Variants in RPIA observed in about 807,000 individuals in gnomAD.
The protein encoded by RPIA is ribose-5-phosphate isomerase.
In RPIA, 29 loss-of-function variants were observed where a neutral mutation model predicts 37.8. The ratio of observed to expected loss-of-function variants is 0.77; its 90% CI spans 0.57 to 1.05. RPIA has a LOEUF of 1.05. Among genes scored for constraint, RPIA ranks in the 50% least tolerant of loss-of-function variants. The pLI is 0.00. For missense variants in RPIA, 385 were observed against 413.6 expected (o/e 0.93, Z 0.60); for synonymous variants, 167 against 157.0 (o/e 1.06, Z -0.48).
Position 88,700,129 on chromosome 2 carries a change from T to C in RPIA, c.402+65T>C, listed in dbSNP as rs776823061. 1.3e-4 allele frequency: 200 copies of C among 1,488,010 alleles called. 1 individual carries two copies. Among genetic ancestry groups the C allele is most frequent in the Non-Finnish European group, 1.2e-4 (126 of 1,065,096 alleles). 92.2% of individuals were successfully genotyped at this position (1,488,010 alleles called of 1,614,324 possible). Reference sequence around the variant, plus strand: ...TGTATCTTCTGGTTCCCCGGGGTTGTGGACCTATGGCCTTGTCTTGTACCT... The same window carrying C: ...TGTATCTTCTGGTTCCCCGGGGTTGCGGACCTATGGCCTTGTCTTGTACCT... On this transcript the variant is annotated intron_variant, in intron 3 of 8. Coordinates refer to ENST00000283646, the MANE Select transcript of RPIA (RefSeq NM_144563.3).
At chr2:88,713,120 A>ATATATATATATATATATATAT (rs1041923467) in intron 3 of RPIA, among the ~76,000 whole-genome samples, 2 of 65,294 alleles carry the variant, frequency 3.1e-5, no homozygotes, top group African/African-American at 7.9e-5. Context: ...ATATATATAT[A>ATATATATATATATATATATAT]TTTTTTTTTT....
chr2:88,721,723 A>G (rs1673134169), intron 3 of RPIA, among the ~76,000 whole-genome samples: 1 of 149,246 alleles, frequency 6.7e-6, no homozygotes, highest in Non-Finnish European at 1.5e-5. Context: ...GGATGAGTTC[A>G]TATATATTAT....
Position 88,699,990 on chromosome 2 carries a change from A to G in RPIA, c.347-19A>G, listed in dbSNP as rs1181665664. 6.2e-7 allele frequency: 1 copy of G among 1,613,956 alleles called. No individual in the cohort carries two copies. The highest frequency in any genetic ancestry group is 8.5e-7 in the Non-Finnish European group (1 of 1,179,794). On this transcript the variant is annotated intron_variant, in intron 2 of 8. Transcript: ENST00000283646. ...GTAAGGAGAGTGAAAAACTGCCAAT[A>G]TGGCTTTTGTTTCCACAGCTGAAAG...
chr2:88,692,479 G>T (rs944008372), intron 1 of RPIA, among the ~76,000 whole-genome samples: 2 of 152,184 alleles, frequency 1.3e-5, no homozygotes, highest in East Asian at 3.9e-4. Flanking sequence ...GGAGGGAAGG[G>T]AAGACCCGGG....
chr2:88,706,548 TGTCTGGGGG>T (rs1415992160), intron 3 of RPIA, among the ~76,000 whole-genome samples: 2 of 132,486 alleles, frequency 1.5e-5, no homozygotes, highest in Non-Finnish European at 3.2e-5. Flanking sequence ...TACTGGGGCC[TGTCTGGGGG>T]GTGTGGGGGG....
At chr2:88,724,150 G>A (rs1050003252) in intron 3 of RPIA, among the ~76,000 whole-genome samples, 3 of 152,146 alleles carry the variant, frequency 2.0e-5, no homozygotes, top group Non-Finnish European at 4.4e-5. Flanking sequence ...TGGGGAAAAG[G>A]GAAAAGGAAA....
intron 3 of RPIA, among the ~76,000 whole-genome samples, chr2:88,708,441 C>A (rs1672921632): frequency 7.1e-6 from 1 of 140,396 alleles, no homozygotes; most frequent in Non-Finnish European, 1.6e-5. Flanking sequence ...GATGTTGTTT[C>A]CAAAAAAAAG....
intron 4 of RPIA, among the ~76,000 whole-genome samples, chr2:88,733,519 C>T (rs1673277573): frequency 6.6e-6 from 1 of 151,984 alleles, no homozygotes. Context: ...GGCCTGGAGC[C>T]CAGACAGAAA....
chr2:88,735,210 A>G lies in RPIA; in HGVS notation c.528-459A>G, dbSNP rs149312186. Among the ~76,000 whole-genome samples the G allele has an allele frequency of 2.7e-3, 406 of 152,320 alleles. 2 individuals carry two copies. Among genetic ancestry groups the G allele is most frequent in the African/African-American group, 9.2e-3 (383 of 41,564 alleles). ...TAATCCTGTCAACTGCAGATGTGAG[A>G]TAGTTTAGCTGCTAAACCCTAGAGG... is the stretch of plus-strand genomic sequence containing the variant. On this transcript the variant is annotated intron_variant, in intron 5 of 8. Transcript: ENST00000283646.
At chr2:88,734,679 A>G in intron 5 of RPIA, 63 bp downstream of exon 5, 2 of 1,526,982 alleles carry the variant, frequency 1.3e-6, no homozygotes, top group South Asian at 1.1e-5. Context: ...GCAAAGCAAG[A>G]TGGATACAGA....
In RPIA at chr2:88,734,591, G is replaced by A. The variant is rs371856447; in HGVS notation, c.502G>A (p.Asp168Asn). The change falls in exon 5 of 9, where the codon GAT (aspartate) becomes AAT (asparagine). Residue 168 changes from aspartate to asparagine, a missense_variant. This residue lies in a region of RPIA where 153 missense variants were observed against 210.6 expected (regional missense o/e 0.73). Transcript: ENST00000283646. The stretch of plus-strand genomic sequence containing the variant: ...CGATGGTGCTGATGAAGTAGATGCT[G>A]ATCTCAATCTCATCAAGGGTGGCGG... ...AIDGADEVDA[D>N]LNLIKGGGGC... 17 of 1,614,076 alleles carry A rather than the reference G, an allele frequency of 1.1e-5. No individual in the cohort carries two copies. The highest frequency in any genetic ancestry group is 1.7e-5 in the Admixed American group (1 of 60,008).
chr2:88,691,947 G>A lies in RPIA; in HGVS notation c.249G>A (p.Lys83=), dbSNP rs1178519785. ...STMSKAEEAK[K]LAGRAAVENH... is the part of the protein sequence containing the mutation. ...TGTCCAAGGCCGAGGAGGCCAAGAA[G>A]CTGGCGGGCCGCGCGGCTGTGGAGA... is the stretch of plus-strand genomic sequence containing the variant. Residue 83 remains lysine, a synonymous_variant, in exon 1 of 9, where the codon AAG becomes AAA. Transcript: ENST00000283646. The A allele has an allele frequency of 6.3e-7, 1 of 1,597,164 alleles. No homozygotes were observed. Among genetic ancestry groups the A allele is most frequent in the East Asian group, 2.3e-5 (1 of 44,174 alleles).
intron 3 of RPIA, among the ~76,000 whole-genome samples, chr2:88,721,317 A>T (rs1673119052): frequency 6.6e-6 from 1 of 152,054 alleles, no homozygotes; most frequent in Non-Finnish European, 1.5e-5. Flanking sequence ...ATACCTATGT[A>T]GCAAAACTGC....
In RPIA at chr2:88,713,896, CTTG is replaced by C. The variant is rs1672999370; in HGVS notation, c.402+13835_402+13837del. On this transcript the variant is annotated intron_variant, in intron 3 of 8. Transcript: ENST00000283646. ...AAATTTTTCGTAGTAGGATCTTGTT[CTTG>C]TTTTATGGTTAATTTTTTTTTTTTT... 2.8e-5 allele frequency among the ~76,000 whole-genome samples: 4 copies of C among 144,926 alleles called. No individual in the cohort carries two copies. The South Asian group carries it at 8.8e-4, about 32-fold the overall frequency.
intron 8 of RPIA, among the ~76,000 whole-genome samples, chr2:88,742,590 G>A (rs889217912): frequency 1.3e-5 from 2 of 152,028 alleles, no homozygotes; most frequent in Admixed American, 6.6e-5. Context: ...AAGAATGATG[G>A]CGGTATTTCG....
rs1239712902 is a variant in RPIA, at chr2:88,738,090, T to C, written c.838+14T>C. On this transcript the variant is annotated intron_variant, in intron 8 of 8. Coordinates refer to ENST00000283646, the MANE Select transcript of RPIA (RefSeq NM_144563.3). ...AAATGATCCCAGGTAACATGAGTGG[T>C]GTTCACCAGTCATATACACACCCAT... 2 of 1,586,600 alleles carry C rather than the reference T, an allele frequency of 1.3e-6. No individual in the cohort carries two copies. Among genetic ancestry groups the C allele is most frequent in the South Asian group, 2.2e-5 (2 of 90,502 alleles).
chr2:88,711,366 A>G (rs1439387289), intron 3 of RPIA, among the ~76,000 whole-genome samples: 2 of 152,242 alleles, frequency 1.3e-5, no homozygotes, highest in African/African-American at 4.8e-5. Flanking sequence ...AGGTGGGACA[A>G]CTTGAAGCTC....
At position 88,718,574 on chromosome 2, in the gene RPIA, A is replaced by G. The variant is rs1673064949; in HGVS notation, c.403-10704A>G. 3.9e-5 allele frequency among the ~76,000 whole-genome samples: 6 copies of G among 152,232 alleles called. No individual in the cohort carries two copies. In the South Asian group the frequency reaches 1.2e-3, roughly 32 times the overall value. ...TTACCACAGCTCAGGAATCCTGTAC[A>G]GGGACTGCATAGACAAAGGTGTAAG... On this transcript the variant is annotated intron_variant, in intron 3 of 8. Transcript: ENST00000283646.
intron 8 of RPIA, among the ~76,000 whole-genome samples, chr2:88,743,556 G>A (rs1673406696): frequency 6.7e-6 from 1 of 149,902 alleles, no homozygotes; most frequent in African/African-American, 2.4e-5. Flanking sequence ...TTCATAGAAT[G>A]ATTTAGAGAG....
Sources: allele counts gnomAD v4.1 joint callset (sites outside exome capture counted in the v4.1 genomes callset), GRCh38; gene constraint gnomAD v4.1.1; regional missense constraint gnomAD v4.1.1; transcripts MANE v1.5; gene names NCBI Gene and HGNC (gene_info 2026-07-23, HGNC 2026-07-21).